The following M1AP variants were observed in gnomAD, a reference collection of about 807,000 sequenced individuals.
M1AP encodes the protein meiosis 1 associated protein, also known as meiosis 1 arrest protein.
Under a neutral mutation model 51.2 loss-of-function variants are expected in M1AP, and 39 were observed. That is an observed-to-expected ratio of 0.76 (90% CI 0.59 to 1.00). The LOEUF (loss-of-function observed/expected upper bound fraction) is 1.00. Ranked by LOEUF, M1AP falls within the 50% of genes least tolerant of loss-of-function variation. The pLI is 0.00. For missense variants in M1AP, 545 were observed against 641.2 expected (o/e 0.85, Z 1.62); for synonymous variants, 251 against 249.2 (o/e 1.01, Z -0.07).
At chr2:74,597,533 T>C (rs1680415122) in intron 4 of M1AP, among the ~76,000 whole-genome samples, 1 of 152,154 alleles carries the variant, frequency 6.6e-6, no homozygotes, top group Non-Finnish European at 1.5e-5. Context: ...CTTTATCTTC[T>C]ATGTTTGGGT....
chr2:74,572,558 T>C (rs1678813206), intron 7 of M1AP, among the ~76,000 whole-genome samples: 1 of 152,228 alleles, frequency 6.6e-6, no homozygotes, highest in African/African-American at 2.4e-5. Context: ...TGGGCACAAG[T>C]GATCCTTCTG....
chr2:74,608,502 G>T (rs1203991587), intron 3 of M1AP, among the ~76,000 whole-genome samples: 1 of 152,152 alleles, frequency 6.6e-6, no homozygotes, highest in Admixed American at 6.5e-5. Flanking sequence ...GGACATCTTG[G>T]TTGCTTCCAA....
chr2:74,600,026 A>T lies in M1AP; in HGVS notation c.595+7029T>A, dbSNP rs1432983075. 3.3e-5 allele frequency among the ~76,000 whole-genome samples: 5 copies of T among 152,228 alleles called. No homozygotes were observed. In the East Asian group the frequency reaches 9.6e-4, roughly 29 times the overall value. On this transcript the variant is annotated intron_variant, in intron 4 of 10. Coordinates refer to ENST00000421985, the MANE Select transcript of M1AP (RefSeq NM_001321739.2). ...GGTCTCAAACTTCTGAGCCTCTTAA[A>T]GTGCTAGGGTTACAGGTATGAGCCA...
At chr2:74,622,713 G>A (rs968617296) in intron 2 of M1AP, among the ~76,000 whole-genome samples, 1 of 151,666 alleles carries the variant, frequency 6.6e-6, no homozygotes, top group Non-Finnish European at 1.5e-5. Context: ...CAAGAAGGAA[G>A]GGTAAGCAAA....
In M1AP at chr2:74,592,318, T is replaced by C. The variant is rs77366425; in HGVS notation, c.596-10471A>G. On this transcript the variant is annotated intron_variant, in intron 4 of 10. Coordinates refer to ENST00000421985, the MANE Select transcript of M1AP (RefSeq NM_001321739.2). ...TGCCACTTCTATTGGTGTCATACTT[T>C]TTAACTTTTGCCAATCTAATAATAG... Among the ~76,000 whole-genome samples, 139 of 152,312 alleles carry C rather than the reference T, an allele frequency of 9.1e-4. 7 individuals carry two copies. The East Asian group carries it at 0.025, about 28-fold the overall frequency.
At chr2:74,607,344 G>T (rs764285333) in intron 3 of M1AP, 121 bp from the exon 4 acceptor site, 2 of 952,662 alleles carry the variant, frequency 2.1e-6, no homozygotes, top group Non-Finnish European at 3.2e-6. Context: ...ATTATGTTTA[G>T]TGCAAAAAGG....
intron 7 of M1AP, 90 bp from the exon 8 acceptor site, chr2:74,562,513 AGG>A: frequency 1.4e-6 from 2 of 1,435,248 alleles, no homozygotes; most frequent in Non-Finnish European, 1.9e-6. Context: ...CCTGACTTCC[AGG>A]GGTGCTGAGG....
At chr2:74,631,787 ATGAATCCCTTCTCATGACTCC>A (rs1476645771) in intron 2 of M1AP, among the ~76,000 whole-genome samples, 2 of 152,202 alleles carry the variant, frequency 1.3e-5, no homozygotes, top group Non-Finnish European at 2.9e-5. Flanking sequence ...AATATTAATT[ATGAATCCCTTCTCATGACTCC>A]TTATAAAACA....
chr2:74,562,861 A>G (rs1678119701), intron 7 of M1AP, among the ~76,000 whole-genome samples: 1 of 152,140 alleles, frequency 6.6e-6, no homozygotes. Flanking sequence ...GGCTTCAGTG[A>G]GCCATGATTG....
At chr2:74,631,369 A>G (rs986662407) in intron 2 of M1AP, among the ~76,000 whole-genome samples, 2 of 152,182 alleles carry the variant, frequency 1.3e-5, no homozygotes, top group Non-Finnish European at 2.9e-5. Context: ...AGCAGTATCT[A>G]TCAATTCACC....
intron 4 of M1AP, among the ~76,000 whole-genome samples, chr2:74,603,409 A>G (rs1483046234): frequency 6.6e-6 from 1 of 152,224 alleles, no homozygotes; most frequent in Non-Finnish European, 1.5e-5. Flanking sequence ...AGCAATGGTG[A>G]ACGATTCTAC....
chr2:74,597,272 C>T (rs76381771), intron 4 of M1AP, among the ~76,000 whole-genome samples: 4,914 of 152,316 alleles, frequency 0.032, 118 homozygotes, highest in Non-Finnish European at 0.049. Context: ...AAACAAATGT[C>T]TCTCTGTGTT....
intron 2 of M1AP, among the ~76,000 whole-genome samples, chr2:74,618,341 C>A (rs1681792983): frequency 6.6e-6 from 1 of 152,198 alleles, no homozygotes; most frequent in Non-Finnish European, 1.5e-5. Flanking sequence ...CAGACACCAC[C>A]TGTACCTGTC....
At chr2:74,561,270 AAAG>A (rs966106973) in intron 8 of M1AP, among the ~76,000 whole-genome samples, 2 of 35,626 alleles carry the variant, frequency 5.6e-5, no homozygotes, top group Non-Finnish European at 1.3e-4. Context: ...AGAAGAAGAA[AAAG>A]AAGGAGGTAA....
chr2:74,636,872 C>A lies in M1AP; in HGVS notation c.240+3164G>T, dbSNP rs116687960. Among the ~76,000 whole-genome samples, 652 of 152,242 alleles carry A rather than the reference C, an allele frequency of 4.3e-3. 6 individuals carry two copies. The highest frequency in any genetic ancestry group is 0.015 in the African/African-American group (626 of 41,542). On this transcript the variant is annotated intron_variant, in intron 2 of 10. Transcript: ENST00000421985. ...AAGATTATAGGTGTGAGTCACCATG[C>A]CCAGCCTCAAGATTTCATCTTTAAC...
At chr2:74,582,642 G>A (rs1275155694) in intron 4 of M1AP, among the ~76,000 whole-genome samples, 1 of 152,162 alleles carries the variant, frequency 6.6e-6, no homozygotes, top group Admixed American at 6.5e-5. Flanking sequence ...TGGAAATAGG[G>A]CAGGGTTCTG....
chr2:74,626,638 A>G (rs1682414719), intron 2 of M1AP, among the ~76,000 whole-genome samples: 3 of 152,146 alleles, frequency 2.0e-5, no homozygotes, highest in Admixed American at 2.0e-4. Context: ...AGACTAATAC[A>G]ATCTGTTCTA....
intron 7 of M1AP, among the ~76,000 whole-genome samples, chr2:74,574,242 T>C (rs936499992): frequency 6.6e-6 from 1 of 152,240 alleles, no homozygotes; most frequent in Non-Finnish European, 1.5e-5. Flanking sequence ...AAGTGTTGTG[T>C]TAGTTTCATG....
At chr2:74,607,345 T>C in intron 3 of M1AP, 122 bp from the exon 4 acceptor site, 1 of 956,664 alleles carries the variant, frequency 1.0e-6, no homozygotes, top group Non-Finnish European at 1.6e-6. Context: ...TTATGTTTAG[T>C]GCAAAAAGGA....
Sources: gnomAD v4.1 joint callset for allele counts (sites outside exome capture counted in the v4.1 genomes callset) on GRCh38, gnomAD v4.1.1 for gene constraint, MANE v1.5 for transcripts, NCBI Gene and HGNC (gene_info 2026-07-23, HGNC 2026-07-21) for gene names.